The following ARID1A variants were observed in gnomAD, a reference collection of about 807,000 sequenced individuals.
The protein encoded by ARID1A is AT-rich interaction domain 1A, also known as AT-rich interactive domain-containing protein 1A.
A neutral mutation model predicts 212.6 loss-of-function variants in ARID1A; 20 were observed. The ratio of observed to expected loss-of-function variants is 0.09; its 90% CI spans 0.07 to 0.14. The LOEUF (loss-of-function observed/expected upper bound fraction) is 0.14. ARID1A is among the 10% of genes least tolerant of loss of function. ARID1A has a pLI of 1.00. For missense variants in ARID1A, 2,587 were observed against 3,059.0 expected (o/e 0.85, Z 3.64); for synonymous variants, 1,376 against 1,222.1 (o/e 1.13, Z -2.63).
At chr1:26,711,372 C>T (rs1261995770) in intron 1 of ARID1A, among the ~76,000 whole-genome samples, 1 of 152,094 alleles carries the variant, frequency 6.6e-6, no homozygotes, top group African/African-American at 2.4e-5. Flanking sequence ...ATTTGTCCAC[C>T]TCAGCCTCCC....
intron 4 of ARID1A, among the ~76,000 whole-genome samples, chr1:26,751,345 G>A (rs2080883658): frequency 6.6e-6 from 1 of 152,076 alleles, no homozygotes; most frequent in Admixed American, 6.6e-5. Context: ...GGAGTTAAGT[G>A]AGCCTCGTGA....
chr1:26,775,836 T>G, intron 19 of ARID1A, 129 bp downstream of exon 19: 1 of 1,386,464 alleles, frequency 7.2e-7, no homozygotes, highest in Non-Finnish European at 1.0e-6. Flanking sequence ...ATGCCAGTAC[T>G]TTGCTTCCTT....
At chr1:26,729,993 TAC>T in intron 2 of ARID1A, 130 bp downstream of exon 2, 1 of 1,130,044 alleles carries the variant, frequency 8.8e-7, no homozygotes, top group African/African-American at 1.5e-5. Flanking sequence ...CTCAGTTAAT[TAC>T]AGAGTGCTAC....
intron 4 of ARID1A, among the ~76,000 whole-genome samples, chr1:26,734,348 T>C (rs531015584): frequency 2.0e-5 from 3 of 150,528 alleles, no homozygotes; most frequent in African/African-American, 7.3e-5. Context: ...GGCTTCTTTT[T>C]TTTTTTTTTT....
rs1023014293 is a variant in ARID1A, at chr1:26,718,275, G to A, written c.1138-11376G>A. ...CAGGCGTGAGCCACCGCACCCAGCC[G>A]TTGTTTTGTTCTTTATTTACTTTAT... is the stretch of plus-strand genomic sequence containing the variant. On this transcript the variant is annotated intron_variant, in intron 1 of 19. Transcript: ENST00000324856. Among the ~76,000 whole-genome samples, 8 of 151,984 alleles carry A rather than the reference G, an allele frequency of 5.3e-5. No individual in the cohort carries two copies. In the East Asian group the frequency reaches 5.8e-4, roughly 11 times the overall value.
chr1:26,728,034 A>G (rs555295161), intron 1 of ARID1A, among the ~76,000 whole-genome samples: 3 of 152,202 alleles, frequency 2.0e-5, no homozygotes, highest in Non-Finnish European at 4.4e-5. Context: ...AGGGAACATT[A>G]TTGGAGCTTC....
intron 10 of ARID1A, 23 bp downstream of exon 10, chr1:26,766,589 C>A: frequency 6.3e-7 from 1 of 1,578,430 alleles, no homozygotes; most frequent in Non-Finnish European, 8.6e-7. Flanking sequence ...GTCTTGACTC[C>A]TTTCAACTTT....
chr1:26,717,345 T>C (rs2080512980), intron 1 of ARID1A, among the ~76,000 whole-genome samples: 1 of 152,272 alleles, frequency 6.6e-6, no homozygotes, highest in African/African-American at 2.4e-5. Context: ...GCATTTCACA[T>C]ACTTACCATT....
intron 4 of ARID1A, 119 bp downstream of exon 4, chr1:26,732,911 A>C: frequency 1.2e-6 from 1 of 862,728 alleles, no homozygotes; most frequent in East Asian, 2.5e-5. Flanking sequence ...TTATTTCTTG[A>C]ATTCAAGGAA....
At chr1:26,746,879 A>T (rs1222919941) in intron 4 of ARID1A, among the ~76,000 whole-genome samples, 2 of 152,126 alleles carry the variant, frequency 1.3e-5, no homozygotes, top group African/African-American at 4.8e-5. Flanking sequence ...TAAATAATAT[A>T]AAAATAAGCT....
Position 26,763,065 on chromosome 1 carries a change from G to A in ARID1A, c.2512G>A (p.Gly838Arg), listed in dbSNP as rs753334968. Residue 838 changes from glycine (G) to arginine (R), a missense_variant, in exon 8 of 20, where the codon GGA becomes AGA. Transcript: ENST00000324856. ...MAGGINPMGA[G>R]GQMHGQPGIP... ...TGGAGGCATAAACCCCATGGGTGCC[G>A]GAGGTCAAATGCATGGACAGCCTGG... 15 of 1,614,092 alleles carry A rather than the reference G, an allele frequency of 9.3e-6. No homozygotes were observed. Among genetic ancestry groups the A allele is most frequent in the African/African-American group, 1.3e-5 (1 of 74,938 alleles).
Position 26,696,991 on chromosome 1 carries a change from G to GTA in ARID1A, c.588_589insTA (p.Gly197Ter). On this transcript the variant is annotated frameshift_variant, in exon 1 of 20. Coordinates refer to ENST00000324856, the MANE Select transcript of ARID1A (RefSeq NM_006015.6). LOFTEE classifies it high-confidence loss of function. ...GCGGCGGGGGCCTGGAGCCCTACGC[G>GTA]GGGCCCCAGCAGAACTCTCACGACC... 2 of 1,511,818 alleles carry GTA rather than the reference G, an allele frequency of 1.3e-6. No individual in the cohort carries two copies. Among genetic ancestry groups the GTA allele is most frequent in the Non-Finnish European group, 1.8e-6 (2 of 1,133,662 alleles). 93.7% of individuals were successfully genotyped at this position (1,511,818 alleles called of 1,614,324 possible).
In ARID1A at chr1:26,696,389, G is replaced by T. The variant is rs1190154028; in HGVS notation, c.-15G>T. 2 of 1,253,178 alleles carry T rather than the reference G, an allele frequency of 1.6e-6. No individual in the cohort carries two copies. The highest frequency in any genetic ancestry group is 4.3e-5 in the Admixed American group (1 of 23,354). The allele number at this position is 1,253,178 out of a possible 1,614,324, so 77.6% of individuals were successfully genotyped here. ...GACAGGGCCGGGTCTCTCCGCGGAC[G>T]AGACAGCGGGGATCATGGCCGCGCA... is the stretch of plus-strand genomic sequence containing the variant. On this transcript the variant is annotated 5_prime_UTR_variant, in exon 1 of 20. Transcript: ENST00000324856.
intron 1 of ARID1A, among the ~76,000 whole-genome samples, chr1:26,710,494 T>TAAACACACAC: frequency 7.6e-6 from 1 of 131,520 alleles, no homozygotes; most frequent in Admixed American, 7.6e-5. Context: ...AAATAATACA[T>TAAACACACAC]ACACACACAC....
Position 26,774,092 on chromosome 1 carries a change from A to G in ARID1A, c.4101+194A>G. On this transcript the variant is annotated intron_variant, in intron 17 of 19. Transcript: ENST00000324856. The surrounding 1 kb of genome is among the most constrained non-coding windows in gnomAD (Gnocchi z 5.6). Reference sequence around the variant, plus strand: ...CTATTTGGAGTTGGAAGGGGCTAGAAATAGACCTTATTTTGATTTTTAGGT... The same window carrying G: ...CTATTTGGAGTTGGAAGGGGCTAGAGATAGACCTTATTTTGATTTTTAGGT... The G allele has an allele frequency of 2.8e-6, 3 of 1,087,276 alleles. No individual in the cohort carries two copies. The highest frequency in any genetic ancestry group is 3.9e-6 in the Non-Finnish European group (3 of 776,818). 67.4% of individuals were successfully genotyped at this position (1,087,276 alleles called of 1,614,324 possible).
chr1:26,777,190 G>A (rs1199792334), intron 19 of ARID1A, among the ~76,000 whole-genome samples: 1 of 151,006 alleles, frequency 6.6e-6, no homozygotes, highest in Non-Finnish European at 1.5e-5. Flanking sequence ...TCAGTCTCCT[G>A]AGTAGCTGGG....
At chr1:26,705,910 T>C (rs1324601062) in intron 1 of ARID1A, among the ~76,000 whole-genome samples, 2 of 152,234 alleles carry the variant, frequency 1.3e-5, no homozygotes, top group African/African-American at 2.4e-5. Context: ...GGAAGAAGTC[T>C]AATGCCAAGA....
intron 10 of ARID1A, 146 bp from the exon 11 acceptor site, chr1:26,767,644 C>T: frequency 1.2e-6 from 1 of 846,806 alleles, no homozygotes; most frequent in Non-Finnish European, 1.8e-6. Flanking sequence ...TCTTTTGGCC[C>T]TTCAACCTTA....
At chr1:26,729,336 C>G (rs1452786197) in intron 1 of ARID1A, 1 of 382,316 alleles carries the variant, frequency 2.6e-6, no homozygotes, top group Non-Finnish European at 5.0e-6. Flanking sequence ...GCAGCACCGT[C>G]CTCTACCAAC....
Sources: allele counts gnomAD v4.1 joint callset (sites outside exome capture counted in the v4.1 genomes callset), GRCh38; gene constraint gnomAD v4.1.1; non-coding constraint Gnocchi (gnomAD v3.1); transcripts MANE v1.5; gene names NCBI Gene and HGNC (gene_info 2026-07-23, HGNC 2026-07-21).